SLC8A1: variants seen among roughly 807,000 people sequenced by gnomAD.
SLC8A1 encodes sodium/calcium exchanger 1.
A neutral mutation model predicts 68.3 loss-of-function variants in SLC8A1; 18 were observed. The ratio of observed to expected loss-of-function variants is 0.26; its 90% CI spans 0.18 to 0.39. SLC8A1 has a LOEUF of 0.39. Among genes scored for constraint, SLC8A1 ranks in the 10% least tolerant of loss-of-function variants. The pLI, the probability that SLC8A1 is intolerant of heterozygous loss-of-function variation, is 1.00. For synonymous variants in SLC8A1, 475 were observed against 415.5 expected (o/e 1.14, Z -1.74); for missense variants, 985 against 1,156.7 (o/e 0.85, Z 2.15).
chr2:40,212,669 C>A (rs1192296280), intron 2 of SLC8A1, among the ~76,000 whole-genome samples: 1 of 152,176 alleles, frequency 6.6e-6, no homozygotes, highest in Non-Finnish European at 1.5e-5. Flanking sequence ...ATTAGGAGCA[C>A]CTCAAAGAAA....
intron 7 of SLC8A1, among the ~76,000 whole-genome samples, chr2:40,122,823 T>C (rs2037217466): frequency 6.6e-6 from 1 of 152,152 alleles, no homozygotes; most frequent in Admixed American, 6.6e-5. Flanking sequence ...ATTGAAAAAT[T>C]AGCTATTTTT....
chr2:40,227,340 T>C (rs1436145384), intron 2 of SLC8A1, among the ~76,000 whole-genome samples: 2 of 152,102 alleles, frequency 1.3e-5, no homozygotes, highest in Non-Finnish European at 2.9e-5. Context: ...TACCACACTC[T>C]GTGATCTCAC....
intron 2 of SLC8A1, among the ~76,000 whole-genome samples, chr2:40,370,293 C>G (rs933347406): frequency 5.9e-5 from 9 of 152,126 alleles, no homozygotes; most frequent in African/African-American, 2.2e-4. Context: ...AGAAACTAAA[C>G]AGGGTACAGG....
intron 6 of SLC8A1, among the ~76,000 whole-genome samples, chr2:40,143,186 G>A (rs1372684786): frequency 1.3e-5 from 2 of 152,188 alleles, no homozygotes; most frequent in Admixed American, 6.5e-5. Context: ...AAATGACCAC[G>A]GACTGCCATG....
At chr2:40,259,873 G>C (rs924750958) in intron 2 of SLC8A1, among the ~76,000 whole-genome samples, 3 of 152,014 alleles carry the variant, frequency 2.0e-5, no homozygotes, top group African/African-American at 7.2e-5. Context: ...TTCTGCATAA[G>C]ACCCTCAGTG....
At chr2:40,323,416 A>T (rs369526912) in intron 2 of SLC8A1, among the ~76,000 whole-genome samples, 1 of 152,296 alleles carries the variant, frequency 6.6e-6, no homozygotes, top group African/African-American at 2.4e-5. Context: ...CCTGGTTTTT[A>T]AAAAAGGTCA....
At chr2:40,284,180 G>T (rs1217247218) in intron 2 of SLC8A1, among the ~76,000 whole-genome samples, 3 of 151,448 alleles carry the variant, frequency 2.0e-5, no homozygotes, top group Non-Finnish European at 4.4e-5. Flanking sequence ...TGTATCTATA[G>T]ATATAGCTAT....
At chr2:40,314,061 G>A (rs945521447) in intron 2 of SLC8A1, among the ~76,000 whole-genome samples, 5 of 151,874 alleles carry the variant, frequency 3.3e-5, no homozygotes, top group Admixed American at 2.6e-4. Flanking sequence ...TTTGGATAAA[G>A]AATCTAGGAA....
At chr2:40,490,264 A>T (rs1462929807) in intron 1 of SLC8A1, among the ~76,000 whole-genome samples, 2 of 152,134 alleles carry the variant, frequency 1.3e-5, no homozygotes, top group African/African-American at 2.4e-5. Context: ...TGGCAAGATA[A>T]GTTTCTTGTT....
intron 2 of SLC8A1, among the ~76,000 whole-genome samples, chr2:40,203,014 G>T (rs1409959625): frequency 6.6e-6 from 1 of 151,942 alleles, no homozygotes; most frequent in Non-Finnish European, 1.5e-5. Context: ...TGACTCTACA[G>T]CCATGCTAGG....
At chr2:40,425,858 C>A (rs1257472047) in intron 2 of SLC8A1, among the ~76,000 whole-genome samples, 1 of 151,920 alleles carries the variant, frequency 6.6e-6, no homozygotes, top group Non-Finnish European at 1.5e-5. Context: ...CCATTTGACC[C>A]AGCAATCCCA....
At chr2:40,441,281 C>A (rs1700429566) in intron 1 of SLC8A1, among the ~76,000 whole-genome samples, 2 of 151,230 alleles carry the variant, frequency 1.3e-5, no homozygotes, top group South Asian at 4.2e-4. Flanking sequence ...TAAGGGAGGA[C>A]AGAAATGGAA....
chr2:40,184,125 G>A (rs1307800024), intron 2 of SLC8A1, among the ~76,000 whole-genome samples: 1 of 152,170 alleles, frequency 6.6e-6, no homozygotes, highest in Non-Finnish European at 1.5e-5. Flanking sequence ...GCAGTGAGAT[G>A]TGATCATGCC....
chr2:40,418,492 A>G (rs1034520718), intron 2 of SLC8A1, among the ~76,000 whole-genome samples: 8 of 152,168 alleles, frequency 5.3e-5, no homozygotes, highest in Non-Finnish European at 1.2e-4. Flanking sequence ...ATTCTGAGGT[A>G]CTAGGCCACC....
At chr2:40,496,254 C>T (rs1434383763) in intron 1 of SLC8A1, among the ~76,000 whole-genome samples, 1 of 152,056 alleles carries the variant, frequency 6.6e-6, no homozygotes, top group African/African-American at 2.4e-5. Context: ...TCTGCCCGTG[C>T]ACACTGGAAA....
At chr2:40,189,299 C>A (rs2051296299) in intron 2 of SLC8A1, among the ~76,000 whole-genome samples, 1 of 152,104 alleles carries the variant, frequency 6.6e-6, no homozygotes, top group Non-Finnish European at 1.5e-5. Context: ...AATGTATATT[C>A]TTTTAAAGCA....
chr2:40,474,901 A>C (rs755206095), intron 1 of SLC8A1, among the ~76,000 whole-genome samples: 32 of 152,338 alleles, frequency 2.1e-4, no homozygotes, highest in Admixed American at 6.5e-4. Flanking sequence ...TCTACATTAA[A>C]AACTTTTGCT....
At chr2:40,252,092 T>A (rs899651595) in intron 2 of SLC8A1, among the ~76,000 whole-genome samples, 1 of 152,208 alleles carries the variant, frequency 6.6e-6, no homozygotes, top group African/African-American at 2.4e-5. Context: ...ATGAGCAAAC[T>A]ATGAATTATT....
intron 2 of SLC8A1, among the ~76,000 whole-genome samples, chr2:40,332,872 TG>T (rs2076558078): frequency 6.6e-6 from 1 of 152,230 alleles, no homozygotes; most frequent in Non-Finnish European, 1.5e-5. Flanking sequence ...TTGACCCAAA[TG>T]GCATGGTGGA....
Sources: gnomAD v4.1 joint callset for allele counts (sites outside exome capture counted in the v4.1 genomes callset) on GRCh38, gnomAD v4.1.1 for gene constraint, MANE v1.5 for transcripts, NCBI Gene and HGNC (gene_info 2026-07-23, HGNC 2026-07-21) for gene names.